The following NCALD variants were observed in gnomAD, a reference collection of about 807,000 sequenced individuals.
NCALD encodes neurocalcin-delta.
Under a neutral mutation model 18.6 loss-of-function variants are expected in NCALD, and 10 were observed. The ratio of observed to expected loss-of-function variants is 0.54; its 90% CI spans 0.33 to 0.91. The LOEUF is 0.91. Ranked by LOEUF, NCALD falls within the 40% of genes least tolerant of loss-of-function variation. NCALD has a pLI of 0.03. For missense variants in NCALD, 184 were observed against 247.6 expected, an observed-to-expected ratio of 0.74 and a Z score of 1.72; for synonymous variants, 88 against 87.4, an observed-to-expected ratio of 1.01 and a Z score of -0.04.
rs79770998 is a variant in NCALD at position 101,772,552 on chromosome 8, A to G, written c.-20+18310T>C. Among the ~76,000 whole-genome samples the G allele has an allele frequency of 4.9e-3, 741 of 152,346 alleles. 14 individuals are homozygous for G. Among genetic ancestry groups the G allele is most frequent in the Admixed American group, 0.039 (592 of 15,296 alleles). On this transcript the variant is annotated intron_variant, in intron 1 of 3. Transcript: ENST00000220931. ...TGCTATTCCTGAACCCACTGCCCTC[A>G]GCCCTGGACACCTTCCTTGGTTTCT...
intron 4 of NCALD, among the ~76,000 whole-genome samples, chr8:101,819,628 G>C (rs1813638979): frequency 6.6e-6 from 1 of 152,050 alleles, no homozygotes; most frequent in South Asian, 2.1e-4. Context: ...AGAATTGTTT[G>C]TTTGACAGCA....
intron 2 of NCALD, among the ~76,000 whole-genome samples, chr8:101,955,354 C>G (rs1466137232): frequency 6.6e-6 from 1 of 152,122 alleles, no homozygotes; most frequent in Non-Finnish European, 1.5e-5. Flanking sequence ...TAAAATCTCA[C>G]TAAAAAGTAG....
intron 1 of NCALD, among the ~76,000 whole-genome samples, chr8:102,113,865 C>A (rs1825706773): frequency 6.6e-6 from 1 of 152,216 alleles, no homozygotes; most frequent in Non-Finnish European, 1.5e-5. Flanking sequence ...GAACAATCTA[C>A]TTGAAAAGAC....
At chr8:101,929,259 T>G (rs1222619341) in intron 2 of NCALD, among the ~76,000 whole-genome samples, 16 of 40,960 alleles carry the variant, frequency 3.9e-4, no homozygotes, top group South Asian at 2.1e-3. Flanking sequence ...GAGGAAGGGA[T>G]GGAGGAAGGG....
chr8:101,792,435 G>C (rs1423741747), upstream of NCALD, among the ~76,000 whole-genome samples: 3 of 152,114 alleles, frequency 2.0e-5, no homozygotes, highest in African/African-American at 7.2e-5. Context: ...TATTTAAAAA[G>C]TTATTTTCCT....
intron 2 of NCALD, among the ~76,000 whole-genome samples, chr8:101,958,262 C>G (rs149696562): frequency 6.6e-6 from 1 of 152,266 alleles, no homozygotes; most frequent in African/African-American, 2.4e-5. Flanking sequence ...GGTCAAATCA[C>G]ACAATTACAT....
At chr8:102,092,479 C>T (rs1824957370) in intron 1 of NCALD, among the ~76,000 whole-genome samples, 1 of 152,176 alleles carries the variant, frequency 6.6e-6, no homozygotes, top group Non-Finnish European at 1.5e-5. Context: ...GGACCCCTTT[C>T]TGGTAACACC....
intron 1 of NCALD, among the ~76,000 whole-genome samples, chr8:101,782,398 C>T (rs1812053074): frequency 6.6e-6 from 1 of 152,050 alleles, no homozygotes; most frequent in African/African-American, 2.4e-5. Context: ...ATACTTAGCA[C>T]ATATTCAGGG....
chr8:101,802,517 C>A (rs540603362), intron 4 of NCALD, among the ~76,000 whole-genome samples: 11 of 151,724 alleles, frequency 7.3e-5, no homozygotes, highest in Non-Finnish European at 5.9e-5. Context: ...GCCAACTATA[C>A]TGCAAAGAAA....
intron 4 of NCALD, among the ~76,000 whole-genome samples, chr8:101,805,624 A>G (rs1813071099): frequency 6.6e-6 from 1 of 152,184 alleles, no homozygotes; most frequent in African/African-American, 2.4e-5. Flanking sequence ...GGCCGTCCAT[A>G]AGAACAGAGA....
intron 1 of NCALD, among the ~76,000 whole-genome samples, chr8:101,720,652 T>C (rs1270672241): frequency 6.6e-6 from 1 of 152,234 alleles, no homozygotes; most frequent in Non-Finnish European, 1.5e-5. Context: ...GTAATTATTA[T>C]TGGCCTTGGG....
intron 4 of NCALD, among the ~76,000 whole-genome samples, chr8:101,812,229 T>C (rs908438788): frequency 1.7e-4 from 26 of 152,274 alleles, no homozygotes; most frequent in Non-Finnish European, 3.2e-4. Flanking sequence ...AGGGATAAAA[T>C]CCAGCCCCTT....
chr8:102,023,801 G>C (rs1443431172), intron 1 of NCALD, among the ~76,000 whole-genome samples: 2 of 152,184 alleles, frequency 1.3e-5, no homozygotes, highest in Non-Finnish European at 2.9e-5. Context: ...CAGAAAAGAA[G>C]TGTTGTGTGG....
intron 4 of NCALD, among the ~76,000 whole-genome samples, chr8:101,866,479 A>G (rs1200307652): frequency 6.6e-6 from 1 of 152,010 alleles, no homozygotes; most frequent in African/African-American, 2.4e-5. Flanking sequence ...TCAAATACCT[A>G]CTCATCTACT....
intron 1 of NCALD, among the ~76,000 whole-genome samples, chr8:102,065,572 C>G (rs1418086582): frequency 6.6e-6 from 1 of 152,206 alleles, no homozygotes; most frequent in Non-Finnish European, 1.5e-5. Context: ...TCTTTGTTCT[C>G]TACCACCTGC....
At chr8:101,879,941 G>A (rs752887800) in intron 4 of NCALD, among the ~76,000 whole-genome samples, 8 of 152,190 alleles carry the variant, frequency 5.3e-5, no homozygotes, top group African/African-American at 7.2e-5. Flanking sequence ...TGCTAGGGCC[G>A]CAGGGCAGAG....
At chr8:101,818,418 C>G (rs914875951) in intron 4 of NCALD, among the ~76,000 whole-genome samples, 1 of 152,110 alleles carries the variant, frequency 6.6e-6, no homozygotes, top group Non-Finnish European at 1.5e-5. Flanking sequence ...GGAGAGCACA[C>G]GGCACTCACC....
intron 1 of NCALD, among the ~76,000 whole-genome samples, chr8:102,114,086 C>T (rs1230719254): frequency 6.6e-6 from 1 of 152,236 alleles, no homozygotes; most frequent in African/African-American, 2.4e-5. Context: ...CCCACGTGAT[C>T]TCGCTTCATG....
Position 101,863,809 on chromosome 8 carries a change from A to G in NCALD, c.-20+23332T>C, listed in dbSNP as rs527506463. On this transcript the variant is annotated intron_variant, in intron 4 of 6. Transcript: ENST00000311028. ...GCAGTGACATTTGACAAAGATCTGG[A>G]TGAAATGCAGGAGTGAGTTGTGTGA... Among the ~76,000 whole-genome samples, 39 of 152,300 alleles carry G rather than the reference A, an allele frequency of 2.6e-4. 1 individual carries two copies. The highest frequency in any genetic ancestry group is 7.2e-4 in the Admixed American group (11 of 15,294).
Sources: allele counts gnomAD v4.1 joint callset (sites outside exome capture counted in the v4.1 genomes callset), GRCh38; gene constraint gnomAD v4.1.1; transcripts MANE v1.5; gene names NCBI Gene and HGNC (gene_info 2026-07-23, HGNC 2026-07-21).